HOXA3: variants seen among roughly 807,000 people sequenced by gnomAD.
HOXA3 encodes homeobox A3.
Under a neutral mutation model 30.3 loss-of-function variants are expected in HOXA3, and 8 were observed. That is an observed-to-expected ratio of 0.26 (90% confidence interval 0.15 to 0.48). HOXA3 has a LOEUF of 0.48. Ranked by LOEUF, HOXA3 falls within the 20% of genes least tolerant of loss-of-function variation. The probability of loss-of-function intolerance (pLI) is 0.99; values close to 1 mark genes in which losing one functional copy is unlikely to be tolerated. For synonymous variants in HOXA3, 323 were observed against 273.1 expected, an observed-to-expected ratio of 1.18 and a Z score of -1.80; for missense variants, 653 against 614.4, an observed-to-expected ratio of 1.06 and a Z score of -0.66.
intron 4 of HOXA3, among the ~76,000 whole-genome samples, chr7:27,120,570 G>GA (rs1784957316): frequency 7.0e-6 from 1 of 143,492 alleles, no homozygotes; most frequent in African/African-American, 2.5e-5. Context: ...ATAAATCAAT[G>GA]AAATAAGTCA....
Position 27,129,539 on chromosome 7 carries a change from G to T in HOXA3, c.-389-2469C>A, listed in dbSNP as rs1475455015. 3.1e-6 allele frequency: 5 copies of T among 1,613,940 alleles called. No homozygotes were observed. In the Admixed American group the frequency reaches 8.3e-5, roughly 27 times the overall value. On this transcript the variant is annotated intron_variant, in intron 2 of 5. Coordinates refer to ENST00000612286, the MANE Select transcript of HOXA3 (RefSeq NM_153631.3). ...TGCCGGGTGTAGGCGGTTCGAGAGC[G>T]CTTAGGCTCCCCTCCGTTATAACTG...
Position 27,117,819 on chromosome 7 carries a change from C to T in HOXA3, c.-121+4740G>A, listed in dbSNP as rs192709463. Among the ~76,000 whole-genome samples, 214 of 151,298 alleles carry T rather than the reference C, an allele frequency of 1.4e-3. 2 individuals are homozygous for T. The highest frequency in any genetic ancestry group is 3.0e-3 in the Non-Finnish European group (201 of 67,820). ...CCGGTCCACCTCTGCCTGCACCTGG[C>T]TTCTGGACCCTCTTTCCGCCTGGGG... is the stretch of plus-strand genomic sequence containing the variant. On this transcript the variant is annotated intron_variant, in intron 4 of 5. Transcript: ENST00000612286.
intron 2 of HOXA3, among the ~76,000 whole-genome samples, chr7:27,127,995 C>G (rs961695563): frequency 6.6e-6 from 1 of 152,178 alleles, no homozygotes; most frequent in Non-Finnish European, 1.5e-5. Context: ...ACCTTAAGAA[C>G]AGCCAGGAAA....
intron 4 of HOXA3, among the ~76,000 whole-genome samples, chr7:27,114,952 C>T (rs1017986428): frequency 2.3e-4 from 33 of 142,572 alleles, no homozygotes; most frequent in African/African-American, 8.3e-4. Flanking sequence ...CCGAATTTGC[C>T]TGGTAATATT....
intron 4 of HOXA3, 172 bp downstream of exon 4, chr7:27,122,387 A>C (rs1785060875): frequency 6.6e-6 from 1 of 152,058 alleles, no homozygotes; most frequent in African/African-American, 2.4e-5. Flanking sequence ...GAGGCCCCGC[A>C]CTCGCAGGGC....
chr7:27,139,565 G>A (rs1395617768), intron 2 of HOXA3, among the ~76,000 whole-genome samples: 1 of 152,220 alleles, frequency 6.6e-6, no homozygotes, highest in African/African-American at 2.4e-5. Flanking sequence ...CCACAGCCCC[G>A]TAAGGAATCC....
intron 2 of HOXA3, chr7:27,130,605 C>T (rs1249277807): frequency 1.3e-6 from 2 of 1,540,874 alleles, no homozygotes; most frequent in Admixed American, 2.0e-5. Context: ...CTGGGGGCTG[C>T]TGGTAGCCGG....
chr7:27,143,710 T>C (rs573212773), intron 1 of HOXA3: 1 of 1,470,902 alleles, frequency 6.8e-7, no homozygotes, highest in South Asian at 1.4e-5. Flanking sequence ...CTGGGACATG[T>C]ACTTGGTTCC....
At chr7:27,114,859 A>G (rs1583423576) in intron 4 of HOXA3, among the ~76,000 whole-genome samples, 1 of 111,892 alleles carries the variant, frequency 8.9e-6, no homozygotes, top group Non-Finnish European at 1.8e-5. Context: ...TATATTATAT[A>G]TATAATATAT....
chr7:27,147,409 T>A lies in HOXA3; in HGVS notation c.-494+4879A>T. On this transcript the variant is annotated intron_variant, in intron 1 of 5. Transcript: ENST00000612286. Reference sequence around the variant, plus strand: ...TGCTTTGCCCTGCCCGCTGCTGCTGTCGGGTTTGTACTGCTGCTCGGGAGA... The same window carrying A: ...TGCTTTGCCCTGCCCGCTGCTGCTGACGGGTTTGTACTGCTGCTCGGGAGA... 1 of 1,614,214 alleles carries A rather than the reference T, an allele frequency of 6.2e-7. No individual in the cohort carries two copies. Among genetic ancestry groups the A allele is most frequent in the Non-Finnish European group, 8.5e-7 (1 of 1,180,040 alleles).
intron 4 of HOXA3, among the ~76,000 whole-genome samples, chr7:27,114,542 T>C (rs1784568404): frequency 6.6e-6 from 1 of 151,612 alleles, no homozygotes; most frequent in South Asian, 2.1e-4. Flanking sequence ...ACTGCTGACA[T>C]CCTAGCAGCC....
At chr7:27,133,524 A>G (rs1785625453) in intron 2 of HOXA3, among the ~76,000 whole-genome samples, 1 of 152,170 alleles carries the variant, frequency 6.6e-6, no homozygotes. Context: ...TCCTTAGGAA[A>G]CTGGTGAGCA....
chr7:27,143,666 C>A, intron 1 of HOXA3: 2 of 1,527,218 alleles, frequency 1.3e-6, no homozygotes, highest in Non-Finnish European at 1.8e-6. Flanking sequence ...GTCTATAGCA[C>A]CCTTGCACAA....
intron 1 of HOXA3, among the ~76,000 whole-genome samples, chr7:27,149,642 G>A (rs1258735042): frequency 6.6e-6 from 1 of 152,224 alleles, no homozygotes; most frequent in Admixed American, 6.5e-5. Context: ...GGTTTACTTT[G>A]CATATAAAGC....
intron 4 of HOXA3, chr7:27,122,203 C>G (rs1356940688): frequency 6.6e-6 from 1 of 152,264 alleles, no homozygotes; most frequent in African/African-American, 2.4e-5. Flanking sequence ...GCGGCCGCCG[C>G]GCCCGTGCCC....
intron 2 of HOXA3, among the ~76,000 whole-genome samples, chr7:27,127,391 T>C (rs1785330467): frequency 6.6e-6 from 1 of 152,222 alleles, no homozygotes; most frequent in South Asian, 2.1e-4. Context: ...GGATCACCCT[T>C]GTTTGTATCA....
intron 1 of HOXA3, chr7:27,145,974 C>A: frequency 1.3e-6 from 2 of 1,554,930 alleles, no homozygotes; most frequent in South Asian, 2.4e-5. Context: ...TTGACCCAGT[C>A]AGCCCAGTGC....
At chr7:27,147,534 G>C (rs764406083) in intron 1 of HOXA3, 2 of 1,614,230 alleles carry the variant, frequency 1.2e-6, no homozygotes, top group Non-Finnish European at 1.7e-6. Flanking sequence ...CCCCGTACTC[G>C]TAGGACGCCC....
At chr7:27,117,936 G>A (rs1048981702) in intron 4 of HOXA3, among the ~76,000 whole-genome samples, 2 of 152,046 alleles carry the variant, frequency 1.3e-5, no homozygotes, top group East Asian at 3.9e-4. Flanking sequence ...AGCCCCCCTA[G>A]TGCCCCCTCC....
Sources: allele counts gnomAD v4.1 joint callset (sites outside exome capture counted in the v4.1 genomes callset), GRCh38; gene constraint gnomAD v4.1.1; transcripts MANE v1.5; gene names NCBI Gene and HGNC (gene_info 2026-07-23, HGNC 2026-07-21).